KCNJ6: variants seen among roughly 807,000 people sequenced by gnomAD.
The protein encoded by KCNJ6 is potassium inwardly rectifying channel subfamily J member 6.
KCNJ6 carries 9 observed loss-of-function variants against 34.2 expected under a neutral mutation model. The ratio of observed to expected loss-of-function variants is 0.26; its 90% CI spans 0.16 to 0.46. The LOEUF (loss-of-function observed/expected upper bound fraction) is 0.46, where lower values mean the gene tolerates loss of function less well. KCNJ6 is among the 20% of genes least tolerant of loss of function. The pLI is 1.00. For synonymous variants in KCNJ6, 196 were observed against 207.1 expected (o/e 0.95, Z 0.46); for missense variants, 236 against 531.3 (o/e 0.44, Z 5.46).
intron 1 of KCNJ6, among the ~76,000 whole-genome samples, chr21:37,882,844 G>C (rs756195776): frequency 3.3e-5 from 5 of 152,220 alleles, no homozygotes; most frequent in East Asian, 1.9e-4. Context: ...TGTTTCATAG[G>C]ACACAAAGAA....
chr21:37,794,879 TA>T (rs1260474505), intron 2 of KCNJ6, among the ~76,000 whole-genome samples: 2 of 148,980 alleles, frequency 1.3e-5, no homozygotes, highest in African/African-American at 5.0e-5. Context: ...TCCTAGAACT[TA>T]AAGTAAAATA....
Position 37,705,397 on chromosome 21 carries a change from C to A in KCNJ6, c.946+8814G>T, listed in dbSNP as rs1206335947. 2.0e-5 allele frequency among the ~76,000 whole-genome samples: 3 copies of A among 152,192 alleles called. No individual in the cohort carries two copies. The East Asian group carries it at 5.8e-4, about 29-fold the overall frequency. ...ATTTGTTAAATGGGAATGGTACCCA[C>A]ATTTCAGAATTGCTTTGAAGATTTA... On this transcript the variant is annotated intron_variant, in intron 3 of 3. Transcript: ENST00000609713.
Position 37,617,122 on chromosome 21 carries a change from TCCTTCCTTCTTTCTTTC to T in KCNJ6, c.*8020_*8036del. 2.4e-5 allele frequency: 3 copies of T among 127,656 alleles called. No individual in the cohort carries two copies. The Admixed American group carries it at 2.7e-4, about 11-fold the overall frequency. The allele number at this position is 127,656 out of a possible 1,614,324, so 7.9% of individuals were successfully genotyped here. A position where few individuals can be genotyped will look rare whatever the true frequency, so the allele number is the denominator to read the frequency against. On this transcript the variant is annotated 3_prime_UTR_variant, in exon 4 of 4. Transcript: ENST00000609713. ...TTTCTTTCTTTCTTTCCTTCTTCCT[TCCTTCCTTCTTTCTTTC>T]CTTCCTTCCTTCCTTCTTTCTTTAT... is the stretch of plus-strand genomic sequence containing the variant.
chr21:37,607,482 A>ATATT lies in KCNJ6; in HGVS notation c.*17676_*17677insAATA. 3.7e-4 allele frequency: 50 copies of ATATT among 136,762 alleles called. 1 individual carries two copies. Among genetic ancestry groups the ATATT allele is most frequent in the African/African-American group, 1.1e-3 (40 of 36,476 alleles). The allele number at this position is 136,762 out of a possible 1,614,324, so 8.5% of individuals were successfully genotyped here. A position where few individuals can be genotyped will look rare whatever the true frequency, so the allele number is the denominator to read the frequency against. ...CTTAAAGATATATATATATATATAT[A>ATATT]TTTTTTTTTTATTTTAAAAAAATTT... is the stretch of plus-strand genomic sequence containing the variant. On this transcript the variant is annotated 3_prime_UTR_variant, in exon 4 of 4. Coordinates refer to ENST00000609713, the MANE Select transcript of KCNJ6 (RefSeq NM_002240.5).
At chr21:37,746,106 T>C (rs59588344) in intron 2 of KCNJ6, among the ~76,000 whole-genome samples, 21,673 of 152,152 alleles carry the variant, frequency 0.14, 2,026 homozygotes, top group African/African-American at 0.27. Flanking sequence ...CTGAGGGCCC[T>C]ACCCTTAGGA....
intron 3 of KCNJ6, among the ~76,000 whole-genome samples, chr21:37,666,281 C>T (rs978658936): frequency 6.6e-6 from 1 of 152,180 alleles, no homozygotes; most frequent in Non-Finnish European, 1.5e-5. Context: ...CAAGTCCTCA[C>T]TCCCCTTCCC....
At chr21:37,677,101 G>A (rs372991901) in intron 3 of KCNJ6, among the ~76,000 whole-genome samples, 10 of 152,304 alleles carry the variant, frequency 6.6e-5, no homozygotes, top group African/African-American at 2.4e-4. Flanking sequence ...CTCTCCCCAG[G>A]TGCCACGATG....
chr21:37,827,262 A>G (rs1295768817), intron 2 of KCNJ6, among the ~76,000 whole-genome samples: 1 of 152,148 alleles, frequency 6.6e-6, no homozygotes, highest in Non-Finnish European at 1.5e-5. Context: ...CCATCTGTCC[A>G]AGGGGAGTGT....
intron 1 of KCNJ6, among the ~76,000 whole-genome samples, chr21:37,851,798 T>C (rs975609783): frequency 6.6e-5 from 10 of 152,058 alleles, no homozygotes; most frequent in Admixed American, 3.3e-4. Flanking sequence ...GGACAATATA[T>C]ATGACAAACT....
rs1178061687 is a variant in KCNJ6, at chr21:37,618,210, T to TG, written c.*6948dup. The TG allele has an allele frequency of 1.3e-5, 2 of 152,216 alleles. No homozygotes were observed. The highest frequency in any genetic ancestry group is 2.9e-5 in the Non-Finnish European group (2 of 68,070). 9.4% of individuals were successfully genotyped at this position (152,216 alleles called of 1,614,324 possible). On this transcript the variant is annotated 3_prime_UTR_variant, in exon 4 of 4. Transcript: ENST00000609713. Reference sequence around the variant, plus strand: ...AAGACTGGCTGAAGACCCAGAGGTTTGGGTAATGCACGGCTGACCGAAACT... The same window carrying TG: ...AAGACTGGCTGAAGACCCAGAGGTTTGGGGTAATGCACGGCTGACCGAAACT...
At chr21:37,853,847 T>TGTATATATATATATATATACAC (rs1555850321) in intron 1 of KCNJ6, among the ~76,000 whole-genome samples, 3 of 40,148 alleles carry the variant, frequency 7.5e-5, no homozygotes, top group Admixed American at 2.8e-4. Flanking sequence ...TATATATATG[T>TGTATATATATATATATATACAC]ATATATATAT....
intron 2 of KCNJ6, among the ~76,000 whole-genome samples, chr21:37,840,012 C>T (rs1005327339): frequency 6.6e-6 from 1 of 152,094 alleles, no homozygotes; most frequent in Non-Finnish European, 1.5e-5. Flanking sequence ...TTAGCCAAGC[C>T]GATCTTGAAC....
intron 2 of KCNJ6, among the ~76,000 whole-genome samples, chr21:37,833,026 T>TC (rs935031352): frequency 2.0e-5 from 3 of 151,436 alleles, no homozygotes; most frequent in African/African-American, 7.3e-5. Flanking sequence ...TCTTTTCTTT[T>TC]TTTTTGAGAT....
intron 2 of KCNJ6, among the ~76,000 whole-genome samples, chr21:37,770,057 C>T (rs898290081): frequency 3.3e-5 from 5 of 152,162 alleles, no homozygotes; most frequent in Non-Finnish European, 7.3e-5. Flanking sequence ...TATAGCAGCA[C>T]AGGTGGATAA....
At position 37,841,054 on chromosome 21, in the gene KCNJ6, C is replaced by A. The variant is rs138763470; in HGVS notation, c.-27-345G>T. On this transcript the variant is annotated intron_variant, in intron 1 of 3. Transcript: ENST00000609713. ...ATTTTTTTTTCCTCTCTGTTTCCCC[C>A]CATTGAAGCTTTCTTGGTATTTTTG... Among the ~76,000 whole-genome samples, 1,211 of 152,160 alleles carry A rather than the reference C, an allele frequency of 8.0e-3. 11 individuals carry two copies. Among genetic ancestry groups the A allele is most frequent in the Non-Finnish European group, 0.014 (940 of 67,996 alleles).
At chr21:37,665,895 T>C (rs1035485831) in intron 3 of KCNJ6, among the ~76,000 whole-genome samples, 1 of 152,178 alleles carries the variant, frequency 6.6e-6, no homozygotes, top group African/African-American at 2.4e-5. Context: ...GGAGTTGTCA[T>C]AAGGCTTCCT....
intron 1 of KCNJ6, among the ~76,000 whole-genome samples, chr21:37,905,799 A>G (rs949276000): frequency 3.3e-5 from 5 of 152,316 alleles, no homozygotes; most frequent in Middle Eastern, 3.4e-3. Flanking sequence ...TTCTTTAGGT[A>G]GTAGGTACTT....
chr21:37,807,832 T>A (rs1187864609), intron 2 of KCNJ6, among the ~76,000 whole-genome samples: 1 of 152,238 alleles, frequency 6.6e-6, no homozygotes, highest in Admixed American at 6.5e-5. Context: ...TTGGGAGACA[T>A]GGTTGTGCCT....
chr21:37,707,990 C>T (rs944436519), intron 3 of KCNJ6, among the ~76,000 whole-genome samples: 1 of 152,084 alleles, frequency 6.6e-6, no homozygotes, highest in Non-Finnish European at 1.5e-5. Flanking sequence ...AATTTAGATG[C>T]TAGTCCAATT....
Sources: allele counts gnomAD v4.1 joint callset (sites outside exome capture counted in the v4.1 genomes callset), GRCh38; gene constraint gnomAD v4.1.1; transcripts MANE v1.5; gene names NCBI Gene and HGNC (gene_info 2026-07-23, HGNC 2026-07-21).